Variants in MCUR1 observed in about 807,000 individuals in gnomAD.
MCUR1 encodes the protein MCU regulator 1.
In MCUR1, 37 loss-of-function variants were observed where a neutral mutation model predicts 42.0. That is an observed-to-expected ratio of 0.88 (90% CI 0.68 to 1.16). The LOEUF (loss-of-function observed/expected upper bound fraction) is 1.16. MCUR1 is among the 50% of genes most tolerant of loss of function. The pLI is 0.00. For missense variants in MCUR1, 469 were observed against 468.4 expected, an observed-to-expected ratio of 1.00 and a Z score of -0.01; for synonymous variants, 229 against 196.2, an observed-to-expected ratio of 1.17 and a Z score of -1.40.
In MCUR1 at chr6:13,790,845, T is replaced by C. The variant is rs2113450870; in HGVS notation, c.1044A>G (p.Leu348=). The C allele has an allele frequency of 6.2e-7, 1 of 1,611,900 alleles. No homozygotes were observed. The highest frequency in any genetic ancestry group is 2.2e-5 in the East Asian group (1 of 44,822). The change falls in exon 9 of 9, where the codon CTA becomes CTG. Residue 348 remains leucine (L), a synonymous_variant. Coordinates refer to ENST00000379170, the MANE Select transcript of MCUR1 (RefSeq NM_001031713.4). ...KYLAGSIFTC[L]TVALGFYRLW... ...GGCGATAAAATCCCAGAGCTACTGT[T>C]AGGCACGTAAATATAGACCCTGTAA...
At chr6:13,813,638 C>T (rs887660775) in intron 1 of MCUR1, among the ~76,000 whole-genome samples, 41 of 152,336 alleles carry the variant, frequency 2.7e-4, no homozygotes, top group African/African-American at 9.9e-4. Flanking sequence ...CAGAGCTTTG[C>T]TGCTCAAACA....
At chr6:13,803,129 T>G (rs1435919419) in intron 2 of MCUR1, among the ~76,000 whole-genome samples, 4 of 152,132 alleles carry the variant, frequency 2.6e-5, no homozygotes, top group Non-Finnish European at 5.9e-5. Context: ...TGGCGCGATC[T>G]CAGCTCACAG....
intron 6 of MCUR1, among the ~76,000 whole-genome samples, chr6:13,795,255 G>GC (rs1759830673): frequency 6.6e-6 from 1 of 152,084 alleles, no homozygotes; most frequent in African/African-American, 2.4e-5. Context: ...GACCAGGAGA[G>GC]CCCGATGCAT....
chr6:13,793,183 A>T (rs764146414), intron 7 of MCUR1, among the ~76,000 whole-genome samples: 3 of 149,606 alleles, frequency 2.0e-5, no homozygotes, highest in Non-Finnish European at 4.4e-5. Context: ...AGAAAGTTTA[A>T]ATCTTTCATA....
At chr6:13,808,396 A>C (rs1760157448) in intron 1 of MCUR1, among the ~76,000 whole-genome samples, 1 of 152,172 alleles carries the variant, frequency 6.6e-6, no homozygotes, top group Non-Finnish European at 1.5e-5. Flanking sequence ...TCTAGATACA[A>C]GCTCCTTATC....
chr6:13,808,559 CT>C (rs1460429001), intron 1 of MCUR1, among the ~76,000 whole-genome samples: 1 of 152,084 alleles, frequency 6.6e-6, no homozygotes, highest in Non-Finnish European at 1.5e-5. Context: ...GTTGCTTGTG[CT>C]TTTGATAACA....
At chr6:13,804,814 A>AAAAAAAAAAAAAAAAAAAAG (rs1230089057) in intron 2 of MCUR1, among the ~76,000 whole-genome samples, 3 of 148,908 alleles carry the variant, frequency 2.0e-5, no homozygotes, top group African/African-American at 5.0e-5. Flanking sequence ...AAAAAAAAAA[A>AAAAAAAAAAAAAAAAAAAAG]GTGGAAGTCT....
At chr6:13,804,670 G>T (rs763507823) in intron 2 of MCUR1, among the ~76,000 whole-genome samples, 19 of 151,482 alleles carry the variant, frequency 1.3e-4, no homozygotes, top group Non-Finnish European at 2.8e-4. Context: ...GCTACTTGTA[G>T]TCTTAGGTAC....
intron 2 of MCUR1, among the ~76,000 whole-genome samples, chr6:13,803,098 G>C (rs553296429): frequency 2.6e-5 from 4 of 151,972 alleles, no homozygotes; most frequent in Non-Finnish European, 5.9e-5. Context: ...TTTCGCTCTT[G>C]TTGCCCAGGC....
intron 6 of MCUR1, among the ~76,000 whole-genome samples, chr6:13,794,868 G>A (rs1759818952): frequency 6.6e-6 from 1 of 152,160 alleles, no homozygotes; most frequent in African/African-American, 2.4e-5. Flanking sequence ...CAGAGTTAAA[G>A]TATCTCGCCT....
Position 13,812,411 on chromosome 6 carries a change from T to C in MCUR1, c.415+1604A>G, listed in dbSNP as rs138670151. Reference sequence around the variant, plus strand: ...GACTGAAGAATGAGATAGCTGACACTAAAACAACAGTACCACCTTACCGAT... The same window carrying C: ...GACTGAAGAATGAGATAGCTGACACCAAAACAACAGTACCACCTTACCGAT... On this transcript the variant is annotated intron_variant, in intron 1 of 8. Transcript: ENST00000379170. Among the ~76,000 whole-genome samples the C allele has an allele frequency of 2.2e-3, 331 of 152,300 alleles. 2 individuals carry two copies. The highest frequency in any genetic ancestry group is 2.8e-3 in the Non-Finnish European group (189 of 68,038).
intron 1 of MCUR1, among the ~76,000 whole-genome samples, chr6:13,808,144 C>T (rs1203670871): frequency 1.3e-5 from 2 of 152,202 alleles, no homozygotes; most frequent in African/African-American, 2.4e-5. Context: ...CCTTCCCCGA[C>T]ACGTGTGCTG....
intron 7 of MCUR1, among the ~76,000 whole-genome samples, chr6:13,792,768 A>G (rs1759758791): frequency 6.6e-6 from 1 of 152,226 alleles, no homozygotes; most frequent in African/African-American, 2.4e-5. Flanking sequence ...AAAAAAAGAA[A>G]TAAATGCCTG....
chr6:13,804,247 C>T (rs911057078), intron 2 of MCUR1: 21 of 180,732 alleles, frequency 1.2e-4, no homozygotes, highest in African/African-American at 4.7e-4. Flanking sequence ...CGCTTGAAAC[C>T]GGGAGGTGGG....
chr6:13,809,026 G>A (rs545343957), intron 1 of MCUR1, among the ~76,000 whole-genome samples: 3 of 152,136 alleles, frequency 2.0e-5, no homozygotes, highest in African/African-American at 4.8e-5. Flanking sequence ...CTACAGACTC[G>A]ACCTCAGCCT....
rs147462422 is a variant in MCUR1, at chr6:13,810,190, G to A, written c.416-3146C>T. ...TGCACTACAGCCTAGGTGACACAGC[G>A]AGACTTCATCTCAAAAAAAAAAATT... On this transcript the variant is annotated intron_variant, in intron 1 of 8. Coordinates refer to ENST00000379170, the MANE Select transcript of MCUR1 (RefSeq NM_001031713.4). Among the ~76,000 whole-genome samples, 559 of 151,644 alleles carry A rather than the reference G, an allele frequency of 3.7e-3. 2 individuals are homozygous for A. Among genetic ancestry groups the A allele is most frequent in the African/African-American group, 9.2e-3 (379 of 41,304 alleles).
chr6:13,802,416 A>G (rs1760011437), intron 2 of MCUR1, 70 bp from the exon 3 acceptor site: 2 of 1,208,612 alleles, frequency 1.7e-6, no homozygotes, highest in African/African-American at 1.5e-5. Context: ...GCACACATTC[A>G]TGTGAATGTC....
intron 1 of MCUR1, 73 bp downstream of exon 1, chr6:13,813,942 T>G: frequency 4.9e-6 from 6 of 1,215,092 alleles, no homozygotes; most frequent in Non-Finnish European, 6.2e-6. Context: ...TCGGGGAGGC[T>G]GTAGCTGAGA....
chr6:13,810,709 AAGGGGAGG>A (rs1760213653), intron 1 of MCUR1, among the ~76,000 whole-genome samples: 2 of 152,198 alleles, frequency 1.3e-5, no homozygotes, highest in Non-Finnish European at 2.9e-5. Context: ...ACAGCTTGGG[AAGGGGAGG>A]GTAGCTGTGG....
Sources: gnomAD v4.1 joint callset for allele counts (sites outside exome capture counted in the v4.1 genomes callset) on GRCh38, gnomAD v4.1.1 for gene constraint, MANE v1.5 for transcripts, NCBI Gene and HGNC (gene_info 2026-07-23, HGNC 2026-07-21) for gene names.